Variants in UBE2E2 observed in about 807,000 individuals in gnomAD.
The protein encoded by UBE2E2 is ubiquitin-conjugating enzyme E2 E2.
In UBE2E2, 6 loss-of-function variants were observed where a neutral mutation model predicts 24.7. The observed-to-expected ratio is 0.24, with a 90% confidence interval of 0.13 to 0.48. UBE2E2 has a LOEUF of 0.48. Among genes scored for constraint, UBE2E2 ranks in the 20% least tolerant of loss-of-function variants. UBE2E2 has a pLI of 0.99. For missense variants in UBE2E2, 169 were observed against 245.0 expected, an observed-to-expected ratio of 0.69 and a Z score of 2.07; for synonymous variants, 104 against 83.6, an observed-to-expected ratio of 1.24 and a Z score of -1.33.
At chr3:23,481,812 C>T (rs921210492) in intron 3 of UBE2E2, among the ~76,000 whole-genome samples, 1 of 152,152 alleles carries the variant, frequency 6.6e-6, no homozygotes, top group Non-Finnish European at 1.5e-5. Flanking sequence ...AGATAGCCGA[C>T]GTTGACAGGA....
chr3:23,460,271 C>G (rs1471406594), intron 3 of UBE2E2, among the ~76,000 whole-genome samples: 3 of 152,146 alleles, frequency 2.0e-5, no homozygotes, highest in Admixed American at 2.0e-4. Context: ...ATTCAGAAGA[C>G]CTCATTCACA....
At chr3:23,451,905 A>C (rs1222707761) in intron 3 of UBE2E2, among the ~76,000 whole-genome samples, 1 of 152,208 alleles carries the variant, frequency 6.6e-6, no homozygotes, top group East Asian at 1.9e-4. Flanking sequence ...CTTATCTCAT[A>C]AAGATAAATT....
At chr3:23,336,089 AAAAGTG>A (rs1337775582) in intron 3 of UBE2E2, among the ~76,000 whole-genome samples, 1 of 152,182 alleles carries the variant, frequency 6.6e-6, no homozygotes, top group Non-Finnish European at 1.5e-5. Flanking sequence ...ACTTACTAGT[AAAAGTG>A]AAAGAGGAAC....
chr3:23,396,320 T>C (rs200676757), intron 3 of UBE2E2, among the ~76,000 whole-genome samples: 1 of 115,786 alleles, frequency 8.6e-6, no homozygotes, highest in Non-Finnish European at 1.8e-5. Context: ...TATATATATG[T>C]ATATATATAC....
intron 3 of UBE2E2, among the ~76,000 whole-genome samples, chr3:23,306,122 G>A (rs953118729): frequency 1.9e-4 from 29 of 152,160 alleles, no homozygotes; most frequent in African/African-American, 4.1e-4. Context: ...AGCAACCTAC[G>A]TGGCCACTGA....
chr3:23,256,273 A>C (rs536228741), intron 3 of UBE2E2, among the ~76,000 whole-genome samples: 1 of 152,212 alleles, frequency 6.6e-6, no homozygotes, highest in East Asian at 1.9e-4. Flanking sequence ...TCTCATCATG[A>C]TATTTCTAAT....
intron 3 of UBE2E2, among the ~76,000 whole-genome samples, chr3:23,270,715 A>G (rs1698217510): frequency 6.6e-6 from 1 of 152,180 alleles, no homozygotes; most frequent in Non-Finnish European, 1.5e-5. Context: ...GGCATCTGAT[A>G]TTTCTAGCTT....
chr3:23,538,252 TTTC>T (rs1246780405), intron 5 of UBE2E2, among the ~76,000 whole-genome samples: 1 of 152,158 alleles, frequency 6.6e-6, no homozygotes, highest in Non-Finnish European at 1.5e-5. Flanking sequence ...TTCAGACTGT[TTTC>T]TTGTGAAAAG....
intron 3 of UBE2E2, among the ~76,000 whole-genome samples, chr3:23,234,728 T>G (rs999469210): frequency 1.3e-5 from 2 of 152,178 alleles, no homozygotes; most frequent in African/African-American, 2.4e-5. Flanking sequence ...TCTAAGTGTT[T>G]ATTAGAGTTA....
At chr3:23,239,194 A>G (rs945579212) in intron 3 of UBE2E2, among the ~76,000 whole-genome samples, 6 of 152,124 alleles carry the variant, frequency 3.9e-5, no homozygotes, top group African/African-American at 7.2e-5. Flanking sequence ...ATAGTGATCA[A>G]TTATGGAACT....
chr3:23,353,981 A>C (rs541183749), intron 3 of UBE2E2, among the ~76,000 whole-genome samples: 2 of 152,332 alleles, frequency 1.3e-5, no homozygotes, highest in South Asian at 2.1e-4. Flanking sequence ...ACCTGACTTC[A>C]AACTATACTA....
At chr3:23,277,736 A>G (rs1698402221) in intron 3 of UBE2E2, among the ~76,000 whole-genome samples, 1 of 152,072 alleles carries the variant, frequency 6.6e-6, no homozygotes, top group African/African-American at 2.4e-5. Context: ...TACTATGTGA[A>G]GGCTGTTCTG....
At position 23,351,612 on chromosome 3, in the gene UBE2E2, C is replaced by T. The variant is rs573674637; in HGVS notation, c.227+134300C>T. ...GTCTCTGATAAAACAGACTTTAAAC[C>T]AACAAAGATCAAAAGAGACAAAGAA... On this transcript the variant is annotated intron_variant, in intron 3 of 5. Coordinates refer to ENST00000396703, the MANE Select transcript of UBE2E2 (RefSeq NM_152653.4). Among the ~76,000 whole-genome samples the T allele has an allele frequency of 3.8e-3, 584 of 152,116 alleles. 3 individuals are homozygous for T. The highest frequency in any genetic ancestry group is 0.013 in the African/African-American group (528 of 41,484).
intron 3 of UBE2E2, among the ~76,000 whole-genome samples, chr3:23,444,065 GTT>G (rs59171795): frequency 2.3e-4 from 27 of 117,388 alleles, no homozygotes; most frequent in African/African-American, 6.1e-4. Flanking sequence ...CACCAGTTTT[GTT>G]TTTTTTTTTT....
intron 3 of UBE2E2, among the ~76,000 whole-genome samples, chr3:23,235,937 A>T (rs1031839838): frequency 6.6e-6 from 1 of 152,142 alleles, no homozygotes; most frequent in East Asian, 1.9e-4. Flanking sequence ...CTCAGTGGAG[A>T]GCTGGAAATA....
chr3:23,561,018 T>C (rs1315565771), intron 5 of UBE2E2, among the ~76,000 whole-genome samples: 9 of 152,216 alleles, frequency 5.9e-5, no homozygotes, highest in African/African-American at 1.7e-4. Context: ...TTGTGTAGGT[T>C]GCCTGTTCAC....
chr3:23,339,661 A>T (rs1559353265), intron 3 of UBE2E2, among the ~76,000 whole-genome samples: 1 of 152,024 alleles, frequency 6.6e-6, no homozygotes, highest in Non-Finnish European at 1.5e-5. Context: ...TGACTTTATA[A>T]TTATGTTATG....
At chr3:23,437,987 A>C (rs35021696) in intron 3 of UBE2E2, among the ~76,000 whole-genome samples, 10,853 of 152,262 alleles carry the variant, frequency 0.071, 511 homozygotes, top group Non-Finnish European at 0.088. Context: ...GAAATGACCA[A>C]GTTGGAACAG....
intron 5 of UBE2E2, among the ~76,000 whole-genome samples, chr3:23,576,254 C>A (rs1696344666): frequency 6.6e-6 from 1 of 152,100 alleles, no homozygotes; most frequent in Admixed American, 6.6e-5. Flanking sequence ...TTATTTCTCT[C>A]ATTTTAAGAC....
Sources: allele counts gnomAD v4.1 joint callset (sites outside exome capture counted in the v4.1 genomes callset), GRCh38; gene constraint gnomAD v4.1.1; transcripts MANE v1.5; gene names NCBI Gene and HGNC (gene_info 2026-07-23, HGNC 2026-07-21).